The following CAMTA1 variants were observed in gnomAD, a reference collection of about 807,000 sequenced individuals.
CAMTA1 encodes calmodulin-binding transcription activator 1.
CAMTA1 carries 27 observed loss-of-function variants against 170.9 expected under a neutral mutation model. The observed-to-expected ratio is 0.16, with a 90% CI of 0.12 to 0.22. The LOEUF is 0.22. CAMTA1 is among the 10% of genes least tolerant of loss of function. The pLI, the probability that CAMTA1 is intolerant of heterozygous loss-of-function variation, is 1.00. For missense variants in CAMTA1, 1,619 were observed against 2,217.2 expected (o/e 0.73, Z 5.42); for synonymous variants, 833 against 891.5 (o/e 0.93, Z 1.17).
Position 7,682,318 on chromosome 1 carries a change from G to A in CAMTA1, c.2914+4585G>A, listed in dbSNP as rs114300723. Among the ~76,000 whole-genome samples the A allele has an allele frequency of 3.4e-3, 516 of 152,342 alleles. 4 individuals are homozygous for A. Among genetic ancestry groups the A allele is most frequent in the African/African-American group, 0.012 (495 of 41,586 alleles). ...CCCCTGCAGCTGGCCAGAGACAGAC[G>A]GGGTTATCCTGTGACTTCTGGGGCA... On this transcript the variant is annotated intron_variant, in intron 11 of 22. Transcript: ENST00000303635. The surrounding 1 kb of genome is among the most constrained non-coding windows in gnomAD (Gnocchi z 5.0).
intron 4 of CAMTA1, among the ~76,000 whole-genome samples, chr1:7,198,429 C>T (rs1655981635): frequency 1.3e-5 from 2 of 151,968 alleles, no homozygotes; most frequent in South Asian, 4.2e-4. Context: ...GGGTGCTGAC[C>T]TGTGTGTGCC....
chr1:6,872,560 G>A (rs1571220506), intron 3 of CAMTA1, among the ~76,000 whole-genome samples: 1 of 152,072 alleles, frequency 6.6e-6, no homozygotes, highest in Admixed American at 6.5e-5. Context: ...TTTTGTCTCT[G>A]CCAAAACCTG....
At chr1:7,761,886 C>G (rs2096979170) in intron 22 of CAMTA1, among the ~76,000 whole-genome samples, 1 of 151,882 alleles carries the variant, frequency 6.6e-6, no homozygotes, top group African/African-American at 2.4e-5. Flanking sequence ...ACAAGCAGCT[C>G]ATGCCTGTAA....
rs766071494 is a variant in CAMTA1 at position 7,014,186 on chromosome 1, G to C, written c.235-77118G>C. 5 of 152,424 alleles carry C rather than the reference G, an allele frequency of 3.3e-5. No homozygotes were observed. The highest frequency in any genetic ancestry group is 2.1e-4 in the South Asian group (1 of 4,836). 9.4% of individuals were successfully genotyped at this position (152,424 alleles called of 1,614,324 possible). On this transcript the variant is annotated intron_variant, in intron 3 of 22. Coordinates refer to ENST00000303635, the MANE Select transcript of CAMTA1 (RefSeq NM_015215.4). The surrounding 1 kb of genome is among the most constrained non-coding windows in gnomAD (Gnocchi z 4.2). ...CAGCCGTGGCAGAAGCCACAGCCTG[G>C]GTTTGGGGTACCCTGTCTGGCTCTT... is the stretch of plus-strand genomic sequence containing the variant.
At chr1:7,489,362 G>T (rs1055297524) in intron 6 of CAMTA1, among the ~76,000 whole-genome samples, 10 of 152,234 alleles carry the variant, frequency 6.6e-5, no homozygotes. Context: ...GGAAACAGCT[G>T]TCAGGGCAAG....
At chr1:7,409,587 G>C (rs2149250766) in intron 5 of CAMTA1, among the ~76,000 whole-genome samples, 1 of 152,272 alleles carries the variant, frequency 6.6e-6, no homozygotes, top group South Asian at 2.1e-4. Context: ...ACCTGTCCCA[G>C]GTTTGACTTC....
chr1:7,262,376 A>C (rs1227667812), intron 5 of CAMTA1, among the ~76,000 whole-genome samples: 1 of 152,112 alleles, frequency 6.6e-6, no homozygotes, highest in Non-Finnish European at 1.5e-5. Context: ...AGCCTAGCCA[A>C]CATGGTGAAA....
rs369125838 is a variant in CAMTA1, at chr1:6,838,633, G to A, written c.234+13423G>A. On this transcript the variant is annotated intron_variant, in intron 3 of 22. Transcript: ENST00000303635. ...CAGATATTTCTCTGTGCCGGTGTGG[G>A]CATTTTTTCTATATTTATTAACCCA... 4.6e-5 allele frequency among the ~76,000 whole-genome samples: 7 copies of A among 152,072 alleles called. No individual in the cohort carries two copies. The East Asian group carries it at 1.3e-3, about 29-fold the overall frequency.
chr1:7,563,145 C>T (rs1385308858), intron 6 of CAMTA1, among the ~76,000 whole-genome samples: 1 of 152,214 alleles, frequency 6.6e-6, no homozygotes. Flanking sequence ...GGGCTGTAGC[C>T]CCCAGGCATC....
In CAMTA1 at chr1:7,767,787, G is replaced by A. The variant is rs1003743275; in HGVS notation, c.*1296G>A. On this transcript the variant is annotated 3_prime_UTR_variant, in exon 23 of 23. Coordinates refer to ENST00000303635, the MANE Select transcript of CAMTA1 (RefSeq NM_015215.4). ...AAAAAAACTTTATTTCACTATAAGA[G>A]TACTTTATTTTAAATGTTCTTTAGG... 6 of 144,798 alleles carry A rather than the reference G, an allele frequency of 4.1e-5. No individual in the cohort carries two copies. In the Admixed American group the frequency reaches 4.3e-4, roughly 10 times the overall value. 9.0% of individuals were successfully genotyped at this position (144,798 alleles called of 1,614,324 possible).
At chr1:7,616,112 C>A (rs1195075769) in intron 6 of CAMTA1, among the ~76,000 whole-genome samples, 1 of 152,222 alleles carries the variant, frequency 6.6e-6, no homozygotes, top group East Asian at 1.9e-4. Context: ...GATGAAGAAC[C>A]CAGCCTGGGC....
At chr1:6,855,838 T>TA (rs1662126864) in intron 3 of CAMTA1, among the ~76,000 whole-genome samples, 2 of 152,086 alleles carry the variant, frequency 1.3e-5, no homozygotes. Flanking sequence ...GGGGCTGAGG[T>TA]AGAGTCTGCA....
intron 3 of CAMTA1, among the ~76,000 whole-genome samples, chr1:7,042,559 C>A (rs1451959429): frequency 1.3e-5 from 2 of 152,212 alleles, no homozygotes; most frequent in African/African-American, 4.8e-5. Flanking sequence ...TTGCTAAAAA[C>A]CTCCCTGAGC....
At chr1:6,902,407 G>A (rs1196487188) in intron 3 of CAMTA1, among the ~76,000 whole-genome samples, 1 of 152,174 alleles carries the variant, frequency 6.6e-6, no homozygotes, top group Non-Finnish European at 1.5e-5. Context: ...GACACAACAT[G>A]GACGAGTCTC....
At chr1:7,493,985 C>T (rs1362045342) in intron 6 of CAMTA1, among the ~76,000 whole-genome samples, 3 of 152,116 alleles carry the variant, frequency 2.0e-5, no homozygotes, top group Non-Finnish European at 4.4e-5. Context: ...CTGCCCATCT[C>T]GGGAGGGCTA....
intron 3 of CAMTA1, among the ~76,000 whole-genome samples, chr1:7,057,335 C>T (rs867300419): frequency 3.3e-5 from 5 of 152,214 alleles, no homozygotes; most frequent in African/African-American, 7.2e-5. Flanking sequence ...TTTCGAAGCA[C>T]CTGCGTCGCA....
intron 3 of CAMTA1, among the ~76,000 whole-genome samples, chr1:6,902,077 A>AAAAAATAAAAAATAAAAAAT (rs1553180470): frequency 1.4e-5 from 1 of 70,874 alleles, no homozygotes; most frequent in African/African-American, 3.5e-5. Context: ...ACACACAAAA[A>AAAAAATAAAAAATAAAAAAT]AAAAAATAAA....
intron 3 of CAMTA1, among the ~76,000 whole-genome samples, chr1:6,841,388 G>T (rs1013340100): frequency 2.0e-5 from 3 of 152,150 alleles, no homozygotes; most frequent in Non-Finnish European, 2.9e-5. Flanking sequence ...TTCACAGAGG[G>T]TATCACAAAG....
chr1:7,566,411 A>T (rs560988063), intron 6 of CAMTA1, among the ~76,000 whole-genome samples: 1 of 152,274 alleles, frequency 6.6e-6, no homozygotes, highest in Non-Finnish European at 1.5e-5. Flanking sequence ...AACATTTATT[A>T]AGCACCCACC....
Sources: allele counts gnomAD v4.1 joint callset (sites outside exome capture counted in the v4.1 genomes callset), GRCh38; gene constraint gnomAD v4.1.1; non-coding constraint Gnocchi (gnomAD v3.1); transcripts MANE v1.5; gene names NCBI Gene and HGNC (gene_info 2026-07-23, HGNC 2026-07-21).